The following ADAMTS20 variants were observed in gnomAD, a reference collection of about 807,000 sequenced individuals.
ADAMTS20 encodes A disintegrin and metalloproteinase with thrombospondin motifs 20.
Under a neutral mutation model 260.1 loss-of-function variants are expected in ADAMTS20, and 225 were observed. The observed-to-expected ratio is 0.87, with a 90% confidence interval of 0.78 to 0.97. ADAMTS20 has a LOEUF of 0.97. Among genes scored for constraint, ADAMTS20 ranks in the 50% least tolerant of loss-of-function variants. The pLI, the probability that ADAMTS20 is intolerant of heterozygous loss-of-function variation, is 0.00. For synonymous variants in ADAMTS20, 802 were observed against 769.5 expected (o/e 1.04, Z -0.70); for missense variants, 2,400 against 2,337.7 (o/e 1.03, Z -0.55).
intron 7 of ADAMTS20, 67 bp from the exon 8 acceptor site, chr12:43,468,772 T>A (rs2137387186): frequency 7.7e-6 from 7 of 910,310 alleles, no homozygotes; most frequent in South Asian, 6.1e-5. Flanking sequence ...AGAACTTAAT[T>A]TTGAAGCATT....
In ADAMTS20 at chr12:43,413,109, G is replaced by A. The variant is rs150392641; in HGVS notation, c.4284+12405C>T. Among the ~76,000 whole-genome samples, 116 of 151,782 alleles carry A rather than the reference G, an allele frequency of 7.6e-4. 1 individual carries two copies. Among genetic ancestry groups the A allele is most frequent in the African/African-American group, 2.7e-3 (113 of 41,432 alleles). On this transcript the variant is annotated intron_variant, in intron 28 of 38. Coordinates refer to ENST00000389420, the MANE Select transcript of ADAMTS20 (RefSeq NM_025003.5). ...CAGGCATGAGCCACCGTGCCTGGCC[G>A]GTAATAATTTTTTTATTAGTGTATC... is the stretch of plus-strand genomic sequence containing the variant.
At chr12:43,458,239 G>A (rs971677739) in intron 11 of ADAMTS20, among the ~76,000 whole-genome samples, 1 of 152,200 alleles carries the variant, frequency 6.6e-6, no homozygotes, top group African/African-American at 2.4e-5. Context: ...ATTCTTTTGA[G>A]TTTCTGATAA....
At chr12:43,384,760 C>T (rs1260169038) in intron 29 of ADAMTS20, among the ~76,000 whole-genome samples, 1 of 152,174 alleles carries the variant, frequency 6.6e-6, no homozygotes, top group Non-Finnish European at 1.5e-5. Flanking sequence ...CCAGCTTCAT[C>T]CGTGTCCCTG....
chr12:43,528,407 C>T (rs1943176033), intron 3 of ADAMTS20, among the ~76,000 whole-genome samples: 1 of 130,450 alleles, frequency 7.7e-6, no homozygotes, highest in Non-Finnish European at 1.6e-5. Flanking sequence ...ACCCAACTTC[C>T]AATTATACTA....
chr12:43,506,699 C>T (rs1271183187), intron 3 of ADAMTS20, among the ~76,000 whole-genome samples: 3 of 151,112 alleles, frequency 2.0e-5, no homozygotes, highest in Admixed American at 6.6e-5. Flanking sequence ...AGGCTGGTCT[C>T]GATATCGTGA....
chr12:43,425,258 G>C (rs1322810505), intron 28 of ADAMTS20, among the ~76,000 whole-genome samples: 2 of 151,952 alleles, frequency 1.3e-5, no homozygotes, highest in Admixed American at 6.6e-5. Flanking sequence ...CCTGTTGGGG[G>C]AGGAGTGTGG....
At chr12:43,467,178 T>C (rs984441063) in intron 8 of ADAMTS20, among the ~76,000 whole-genome samples, 1 of 152,012 alleles carries the variant, frequency 6.6e-6, no homozygotes, top group Non-Finnish European at 1.5e-5. Context: ...TTCTAGACCA[T>C]TGACTATGGC....
In ADAMTS20 at chr12:43,432,609, A is replaced by G; in HGVS notation, c.2923T>C (p.Trp975Arg). ...CVFTRWHYSE[W>R]SQCSRSCGGG... ...AATCATTTTTATTGTACCTGAGACCATTCTGAATAATGCCATCTTGTGAAG... is the reference window on the plus strand; with the variant it reads ...AATCATTTTTATTGTACCTGAGACCGTTCTGAATAATGCCATCTTGTGAAG... The change falls in exon 20 of 39, where the codon TGG (tryptophan) becomes CGG (arginine). Residue 975 changes from tryptophan to arginine, a missense_variant. Transcript: ENST00000389420. The G allele has an allele frequency of 6.2e-7, 1 of 1,613,886 alleles. No homozygotes were observed.
At position 43,505,769 on chromosome 12, in the gene ADAMTS20, A is replaced by G. The variant is rs541164207; in HGVS notation, c.614-3364T>C. Among the ~76,000 whole-genome samples the G allele has an allele frequency of 7.2e-5, 11 of 152,352 alleles. No individual in the cohort carries two copies. In the East Asian group the frequency reaches 1.5e-3, roughly 21 times the overall value. ...CTTAAGAAATAAAAATAGAACTACC[A>G]TATGATCCAGCAATCCTACTGGGGT... On this transcript the variant is annotated intron_variant, in intron 3 of 38. Transcript: ENST00000389420.
chr12:43,455,668 T>G (rs1296702395), intron 11 of ADAMTS20, among the ~76,000 whole-genome samples: 1 of 152,074 alleles, frequency 6.6e-6, no homozygotes, highest in Non-Finnish European at 1.5e-5. Flanking sequence ...TACCACACTT[T>G]ATTTATCCTT....
intron 2 of ADAMTS20, among the ~76,000 whole-genome samples, chr12:43,538,953 C>CTTTTTTTTTTT (rs36106874): frequency 3.4e-5 from 4 of 117,538 alleles, no homozygotes; most frequent in Admixed American, 1.8e-4. Context: ...TATGAACATT[C>CTTTTTTTTTTT]TTTTTTTTTT....
At position 43,432,721 on chromosome 12, in the gene ADAMTS20, A is replaced by C. The variant is rs373937231; in HGVS notation, c.2811T>G (p.His937Gln). The C allele has an allele frequency of 6.1e-5, 98 of 1,613,884 alleles. No individual in the cohort carries two copies. Among genetic ancestry groups the C allele is most frequent in the Non-Finnish European group, 8.0e-5 (94 of 1,179,878 alleles). ...LDIHCMKYSIHEGQTVQVDDH... is the reference protein window; with the variant it reads ...LDIHCMKYSIQEGQTVQVDDH... The stretch of plus-strand genomic sequence containing the variant: ...CATCAACTTGAACAGTCTGTCCTTC[A>C]TGAATGGAATACTTCATGCAATGGA... Residue 937 changes from histidine to glutamine, a missense_variant, in exon 20 of 39, where the codon CAT (histidine) becomes CAG (glutamine). By Grantham distance (24) the His-to-Gln change is conservative. Coordinates refer to ENST00000389420, the MANE Select transcript of ADAMTS20 (RefSeq NM_025003.5).
chr12:43,508,652 T>C (rs1321764257), intron 3 of ADAMTS20, among the ~76,000 whole-genome samples: 1 of 152,166 alleles, frequency 6.6e-6, no homozygotes, highest in Non-Finnish European at 1.5e-5. Context: ...GGTATATATA[T>C]TTATGGGGTA....
In ADAMTS20 at chr12:43,432,624, A is replaced by G. The variant is rs754311122; in HGVS notation, c.2908T>C (p.Trp970Arg). Residue 970 changes from tryptophan (W) to arginine (R), a missense_variant, in exon 20 of 39, where the codon TGG becomes CGG. By Grantham distance (101) the Trp-to-Arg change is moderately radical. Coordinates refer to ENST00000389420, the MANE Select transcript of ADAMTS20 (RefSeq NM_025003.5). ...LCHGNCVFTR[W>R]HYSEWSQCSR... ...ACCTGAGACCATTCTGAATAATGCC[A>G]TCTTGTGAAGACACAGTTACCATGG... 20 of 1,613,854 alleles carry G rather than the reference A, an allele frequency of 1.2e-5. No homozygotes were observed. The highest frequency in any genetic ancestry group is 1.7e-5 in the Admixed American group (1 of 59,998).
chr12:43,549,476 A>G (rs183418923), intron 2 of ADAMTS20, among the ~76,000 whole-genome samples: 39 of 152,244 alleles, frequency 2.6e-4, no homozygotes, highest in Admixed American at 2.6e-4. Flanking sequence ...AGGATACTGA[A>G]TAATAATTTA....
intron 35 of ADAMTS20, among the ~76,000 whole-genome samples, chr12:43,375,735 G>A (rs1158855778): frequency 6.6e-6 from 1 of 152,160 alleles, no homozygotes; most frequent in Non-Finnish European, 1.5e-5. Flanking sequence ...CATTCTTCTA[G>A]CTTTGATTAC....
chr12:43,490,992 T>C (rs2137428376), intron 6 of ADAMTS20, among the ~76,000 whole-genome samples: 1 of 152,146 alleles, frequency 6.6e-6, no homozygotes. Context: ...GGAAGAACCA[T>C]GGACTATATA....
intron 19 of ADAMTS20, 108 bp downstream of exon 19, chr12:43,434,137 G>A: frequency 8.4e-7 from 1 of 1,190,984 alleles, no homozygotes; most frequent in East Asian, 2.6e-5. Flanking sequence ...TGGCATGGCA[G>A]ATGATGAGTA....
At chr12:43,541,090 C>G (rs1430938422) in intron 2 of ADAMTS20, among the ~76,000 whole-genome samples, 4 of 151,964 alleles carry the variant, frequency 2.6e-5, no homozygotes, top group Non-Finnish European at 5.9e-5. Flanking sequence ...AAATACAAAC[C>G]CTTTGAACTC....
Sources: gnomAD v4.1 joint callset for allele counts (sites outside exome capture counted in the v4.1 genomes callset) on GRCh38, gnomAD v4.1.1 for gene constraint, MANE v1.5 for transcripts, NCBI Gene and HGNC (gene_info 2026-07-23, HGNC 2026-07-21) for gene names.